Variants in LRRC59 observed in about 807,000 individuals in gnomAD.
LRRC59 encodes the protein leucine rich repeat containing 59.
A neutral mutation model predicts 33.5 loss-of-function variants in LRRC59; 18 were observed. That is an observed-to-expected ratio of 0.54 (90% CI 0.37 to 0.80). LRRC59 has a LOEUF of 0.80. LRRC59 is among the 30% of genes least tolerant of loss of function. LRRC59 has a pLI of 0.00. For missense variants in LRRC59, 330 were observed against 391.9 expected (o/e 0.84, Z 1.33); for synonymous variants, 138 against 160.0 (o/e 0.86, Z 1.04).
At chr17:50,396,763 G>A (rs1914282954) in intron 1 of LRRC59, 1 of 200,072 alleles carries the variant, frequency 5.0e-6, no homozygotes. Context: ...CAGGGCTCGG[G>A]CAGCCAGCTG....
intron 2 of LRRC59, among the ~76,000 whole-genome samples, chr17:50,393,206 G>A (rs924797736): frequency 7.9e-5 from 12 of 152,148 alleles, no homozygotes; most frequent in Admixed American, 3.3e-4. Flanking sequence ...GTTAGCAGCC[G>A]TTCTTCCTCA....
At chr17:50,385,338 C>T in intron 5 of LRRC59, 47 bp from the exon 6 acceptor site, 1 of 1,584,934 alleles carries the variant, frequency 6.3e-7, no homozygotes. Flanking sequence ...ACAAACACTC[C>T]AGCAGTTTGC....
At position 50,382,102 on chromosome 17, in the gene LRRC59, C is replaced by CA. The variant is rs1361219699; in HGVS notation, c.*885dup. The CA allele has an allele frequency of 6.6e-6, 1 of 152,602 alleles. No individual in the cohort carries two copies. The highest frequency in any genetic ancestry group is 1.5e-5 in the Non-Finnish European group (1 of 68,042). The allele number at this position is 152,602 out of a possible 1,614,324, so 9.5% of individuals were successfully genotyped here. A position where few individuals can be genotyped will look rare whatever the true frequency, so the allele number is the denominator to read the frequency against. ...AGGGAGTTAATGCTCTAAAATTAGG[C>CA]AAGGAGCCTGGACTGTTGCCATTTT... On this transcript the variant is annotated 3_prime_UTR_variant, in exon 7 of 7. Transcript: ENST00000225972.
chr17:50,394,403 T>C (rs1914221356), intron 2 of LRRC59, among the ~76,000 whole-genome samples: 1 of 152,212 alleles, frequency 6.6e-6, no homozygotes, highest in Non-Finnish European at 1.5e-5. Flanking sequence ...GATTTGATCA[T>C]GGATTGAATG....
At position 50,382,672 on chromosome 17, in the gene LRRC59, C is replaced by A; in HGVS notation, c.*316G>T. 2.9e-6 allele frequency: 1 copy of A among 342,502 alleles called. No individual in the cohort carries two copies. Among genetic ancestry groups the A allele is most frequent in the Non-Finnish European group, 5.4e-6 (1 of 184,944 alleles). 21.2% of individuals were successfully genotyped at this position (342,502 alleles called of 1,614,324 possible). ...AGCTGACCATTTAGTAGAAACGAGCCTTGCCTTTACACAGCTTTATATAAC... is the reference window on the plus strand; with the variant it reads ...AGCTGACCATTTAGTAGAAACGAGCATTGCCTTTACACAGCTTTATATAAC... On this transcript the variant is annotated 3_prime_UTR_variant, in exon 7 of 7. Coordinates refer to ENST00000225972, the MANE Select transcript of LRRC59 (RefSeq NM_018509.4).
intron 6 of LRRC59, among the ~76,000 whole-genome samples, chr17:50,384,541 G>A (rs1286640616): frequency 1.3e-5 from 2 of 152,080 alleles, no homozygotes; most frequent in Non-Finnish European, 2.9e-5. Context: ...CGAGGCAGGC[G>A]GATTACCTGA....
chr17:50,382,687 C>G lies in LRRC59; in HGVS notation c.*301G>C, dbSNP rs1178318837. On this transcript the variant is annotated 3_prime_UTR_variant, in exon 7 of 7. Transcript: ENST00000225972. ...AGAAACGAGCCTTGCCTTTACACAG[C>G]TTTATATAACAACTAGAAAAGGCTA... 4.9e-6 allele frequency: 2 copies of G among 408,186 alleles called. No individual in the cohort carries two copies. Among genetic ancestry groups the G allele is most frequent in the African/African-American group, 4.0e-5 (2 of 49,782 alleles). The allele number at this position is 408,186 out of a possible 1,614,324, so 25.3% of individuals were successfully genotyped here. A position where few individuals can be genotyped will look rare whatever the true frequency, so the allele number is the denominator to read the frequency against.
chr17:50,395,723 G>C (rs541906043), intron 1 of LRRC59, among the ~76,000 whole-genome samples: 1 of 152,288 alleles, frequency 6.6e-6, no homozygotes, highest in East Asian at 1.9e-4. Context: ...AGACCAGCCT[G>C]ACCAACACGG....
In LRRC59 at chr17:50,397,174, G is replaced by A. The variant is rs780074859; in HGVS notation, c.105+39C>T. On this transcript the variant is annotated intron_variant, in intron 1 of 6. Transcript: ENST00000225972. ...TGGCCCACGTAGGGGCCAGCGCCCG[G>A]CGAAGGTGGGCGCCTGGGCCTCGCG... 49 of 1,473,982 alleles carry A rather than the reference G, an allele frequency of 3.3e-5. No homozygotes were observed. In the African/African-American group the frequency reaches 6.4e-4, roughly 19 times the overall value. 91.3% of individuals were successfully genotyped at this position (1,473,982 alleles called of 1,614,324 possible). A position where few individuals can be genotyped will look rare whatever the true frequency, so the allele number is the denominator to read the frequency against.
intron 4 of LRRC59, among the ~76,000 whole-genome samples, chr17:50,389,051 T>C (rs1309478138): frequency 1.3e-5 from 2 of 152,180 alleles, no homozygotes; most frequent in Non-Finnish European, 2.9e-5. Context: ...CCAAGACTCA[T>C]AGGGTGATTT....
chr17:50,388,407 G>A (rs1188460351), intron 4 of LRRC59, among the ~76,000 whole-genome samples: 3 of 152,078 alleles, frequency 2.0e-5, no homozygotes, highest in Admixed American at 1.3e-4. Context: ...CAGGCACAGC[G>A]GCAGATGCCT....
chr17:50,394,785 C>T, intron 2 of LRRC59, 144 bp downstream of exon 2: 1 of 577,410 alleles, frequency 1.7e-6, no homozygotes, highest in East Asian at 2.9e-5. Context: ...CTCCCCTACA[C>T]ACTCAGATTT....
At chr17:50,389,446 A>T (rs1361549944) in intron 4 of LRRC59, among the ~76,000 whole-genome samples, 1 of 152,192 alleles carries the variant, frequency 6.6e-6, no homozygotes, top group Non-Finnish European at 1.5e-5. Context: ...CGATTTTCTG[A>T]TCGAGAAAAC....
intron 2 of LRRC59, 41 bp downstream of exon 2, chr17:50,394,887 TC>T: frequency 7.6e-7 from 1 of 1,319,594 alleles, no homozygotes; most frequent in Non-Finnish European, 1.1e-6. Flanking sequence ...AGGAGATGCA[TC>T]CAAGGCACCA....
intron 6 of LRRC59, among the ~76,000 whole-genome samples, chr17:50,384,602 C>T (rs1277281485): frequency 6.6e-6 from 1 of 152,082 alleles, no homozygotes; most frequent in Non-Finnish European, 1.5e-5. Context: ...CACATCACTA[C>T]TAAAAATACA....
At chr17:50,394,857 T>A in intron 2 of LRRC59, 72 bp downstream of exon 2, 30 of 642,518 alleles carry the variant, frequency 4.7e-5, no homozygotes, top group Non-Finnish European at 7.0e-5. Flanking sequence ...CCCACCCCCC[T>A]CTCAACCCCC....
At chr17:50,394,499 T>C (rs1914223955) in intron 2 of LRRC59, among the ~76,000 whole-genome samples, 1 of 152,338 alleles carries the variant, frequency 6.6e-6, no homozygotes, top group Middle Eastern at 3.4e-3. Context: ...CCTTCTTTCT[T>C]GCTCCCCATC....
Position 50,381,327 on chromosome 17 carries a change from A to G in LRRC59, c.*1661T>C, listed in dbSNP as rs1913830194. 2 of 215,526 alleles carry G rather than the reference A, an allele frequency of 9.3e-6. No individual in the cohort carries two copies. The highest frequency in any genetic ancestry group is 1.9e-5 in the Non-Finnish European group (2 of 105,860). 13.4% of individuals were successfully genotyped at this position (215,526 alleles called of 1,614,324 possible). On this transcript the variant is annotated 3_prime_UTR_variant, in exon 7 of 7. Transcript: ENST00000225972. ...GTGAGTGAAGCTGCGGGTTGGCTTG[A>G]CTGGGCTCAGCCACTGAGCTGCCTC...
rs1388149221 is a variant in LRRC59, at chr17:50,397,475, G to A, written c.-158C>T. On this transcript the variant is annotated 5_prime_UTR_variant, in exon 1 of 7. Transcript: ENST00000225972. ...CGCCTCCGCCCGCTGGCCGCACTCCGAGCCTCGCGCCTAGCTCCCACCGGT... is the reference window on the plus strand; with the variant it reads ...CGCCTCCGCCCGCTGGCCGCACTCCAAGCCTCGCGCCTAGCTCCCACCGGT... 3.8e-6 allele frequency: 2 copies of A among 531,788 alleles called. No homozygotes were observed. Among genetic ancestry groups the A allele is most frequent in the East Asian group, 3.5e-5 (1 of 28,912 alleles). 32.9% of individuals were successfully genotyped at this position (531,788 alleles called of 1,614,324 possible). A position where few individuals can be genotyped will look rare whatever the true frequency, so the allele number is the denominator to read the frequency against.
Sources: gnomAD v4.1 joint callset for allele counts (sites outside exome capture counted in the v4.1 genomes callset) on GRCh38, gnomAD v4.1.1 for gene constraint, MANE v1.5 for transcripts, NCBI Gene and HGNC (gene_info 2026-07-23, HGNC 2026-07-21) for gene names.